Variants in OXCT1 observed in about 807,000 individuals in gnomAD.
The protein encoded by OXCT1 is succinyl-CoA:3-ketoacid coenzyme A transferase 1, mitochondrial.
OXCT1 carries 27 observed loss-of-function variants against 69.6 expected under a neutral mutation model. The ratio of observed to expected loss-of-function variants is 0.39; its 90% confidence interval spans 0.29 to 0.54. OXCT1 has a LOEUF of 0.54. Ranked by LOEUF, OXCT1 falls within the 20% of genes least tolerant of loss-of-function variation. The pLI, the probability that OXCT1 is intolerant of heterozygous loss-of-function variation, is 0.72. For synonymous variants in OXCT1, 202 were observed against 217.8 expected, an observed-to-expected ratio of 0.93 and a Z score of 0.64; for missense variants, 437 against 650.2, an observed-to-expected ratio of 0.67 and a Z score of 3.57.
chr5:41,745,058 A>G (rs1237524665), intron 15 of OXCT1, among the ~76,000 whole-genome samples: 1 of 152,092 alleles, frequency 6.6e-6, no homozygotes, highest in Non-Finnish European at 1.5e-5. Flanking sequence ...GACCTAATAG[A>G]TACTACAGAA....
At chr5:41,754,515 T>C (rs541200212) in intron 14 of OXCT1, among the ~76,000 whole-genome samples, 4 of 152,056 alleles carry the variant, frequency 2.6e-5, no homozygotes, top group African/African-American at 9.7e-5. Flanking sequence ...AAACATCTCA[T>C]GTACCCCATA....
Position 41,762,158 on chromosome 5 carries a change from A to C in OXCT1, c.1291T>G (p.Ser431Ala). 2 of 1,613,406 alleles carry C rather than the reference A, an allele frequency of 1.2e-6. No individual in the cohort carries two copies. The highest frequency in any genetic ancestry group is 1.7e-6 in the Non-Finnish European group (2 of 1,179,488). The stretch of plus-strand genomic sequence containing the variant: ...ACCACCACTTTGGTTTTCGCACTGG[A>C]CACTAAATCCATAGCACCTCCCATT... ...KGMGGAMDLV[S>A]SAKTKVVVTM... The change falls in exon 14 of 17, where the codon TCC becomes GCC. Residue 431 changes from serine (S) to alanine (A), a missense_variant. Transcript: ENST00000196371. The surrounding 1 kb of genome is among the most constrained non-coding windows in gnomAD (Gnocchi z 4.0).
chr5:41,784,255 A>C (rs975518327), intron 13 of OXCT1, among the ~76,000 whole-genome samples: 1 of 152,222 alleles, frequency 6.6e-6, no homozygotes, highest in Non-Finnish European at 1.5e-5. Context: ...AAAATGGGTA[A>C]ATAAAATGGA....
chr5:41,840,582 G>GT, intron 6 of OXCT1, 71 bp from the exon 7 acceptor site: 1 of 880,424 alleles, frequency 1.1e-6, no homozygotes, highest in Middle Eastern at 2.2e-4. Flanking sequence ...CACCTTTAAG[G>GT]TTTTATAGAT....
intron 7 of OXCT1, among the ~76,000 whole-genome samples, chr5:41,812,181 G>A (rs1053631532): frequency 1.3e-5 from 2 of 151,890 alleles, no homozygotes; most frequent in Non-Finnish European, 2.9e-5. Flanking sequence ...CAGAAATTTT[G>A]AGGAAAAAAA....
chr5:41,794,879 G>A, intron 11 of OXCT1, 130 bp from the exon 12 acceptor site: 1 of 890,448 alleles, frequency 1.1e-6, no homozygotes, highest in Non-Finnish European at 1.8e-6. Flanking sequence ...CAGTGACATA[G>A]CAGGTGGGGG....
chr5:41,760,800 C>A (rs1744309593), intron 14 of OXCT1, among the ~76,000 whole-genome samples: 1 of 152,098 alleles, frequency 6.6e-6, no homozygotes, highest in South Asian at 2.1e-4. Flanking sequence ...TTCTATTATT[C>A]CATATTTATG....
intron 7 of OXCT1, among the ~76,000 whole-genome samples, chr5:41,838,474 G>T (rs72746967): frequency 0.027 from 4,091 of 152,234 alleles, 90 homozygotes; most frequent in Non-Finnish European, 0.039. Flanking sequence ...TAGTATAACA[G>T]ATTATTCTTG....
chr5:41,776,589 T>C (rs1745133177), intron 13 of OXCT1, among the ~76,000 whole-genome samples: 1 of 152,204 alleles, frequency 6.6e-6, no homozygotes, highest in Admixed American at 6.5e-5. Flanking sequence ...AACAAGTGAA[T>C]TTGAGAAAGT....
At chr5:41,794,153 G>T in intron 12 of OXCT1, 75 bp from the exon 13 acceptor site, 1 of 1,053,050 alleles carries the variant, frequency 9.5e-7, no homozygotes, top group Non-Finnish European at 1.5e-6. Context: ...CCAGCAATTA[G>T]AATAACTTCA....
chr5:41,803,666 A>G (rs1489812552), intron 9 of OXCT1, among the ~76,000 whole-genome samples: 1 of 152,114 alleles, frequency 6.6e-6, no homozygotes, highest in Non-Finnish European at 1.5e-5. Flanking sequence ...TTGGGTCTCT[A>G]TAGTAACATT....
intron 3 of OXCT1, among the ~76,000 whole-genome samples, chr5:41,857,074 A>T (rs1359669170): frequency 2.0e-5 from 3 of 152,098 alleles, no homozygotes; most frequent in Non-Finnish European, 2.9e-5. Context: ...CACAAACTCC[A>T]CATTGAATCT....
At chr5:41,847,255 C>T (rs1196196328) in intron 5 of OXCT1, among the ~76,000 whole-genome samples, 6 of 151,858 alleles carry the variant, frequency 4.0e-5, no homozygotes, top group Non-Finnish European at 8.8e-5. Flanking sequence ...CTGAATAGAC[C>T]AATAACAGGA....
At chr5:41,826,367 T>A (rs1352308481) in intron 7 of OXCT1, among the ~76,000 whole-genome samples, 3 of 152,166 alleles carry the variant, frequency 2.0e-5, no homozygotes, top group Non-Finnish European at 1.5e-5. Context: ...CAGCTGCCAT[T>A]TACAATGTAG....
intron 16 of OXCT1, among the ~76,000 whole-genome samples, chr5:41,736,341 C>T (rs1417765423): frequency 1.3e-5 from 2 of 152,338 alleles, no homozygotes; most frequent in Admixed American, 1.3e-4. Flanking sequence ...AGATACTGCC[C>T]TCCGATGGAA....
At chr5:41,759,167 A>C (rs1204907622) in intron 14 of OXCT1, among the ~76,000 whole-genome samples, 1 of 151,246 alleles carries the variant, frequency 6.6e-6, no homozygotes, top group Non-Finnish European at 1.5e-5. Flanking sequence ...TAGCTTTGTG[A>C]GGATGTGGCA....
chr5:41,808,564 C>A (rs895140891), intron 7 of OXCT1, among the ~76,000 whole-genome samples: 5 of 152,050 alleles, frequency 3.3e-5, no homozygotes, highest in Admixed American at 3.3e-4. Flanking sequence ...AAGCTATCTT[C>A]TTTGATAAAC....
intron 11 of OXCT1, among the ~76,000 whole-genome samples, chr5:41,800,030 T>C (rs1746354186): frequency 6.6e-6 from 1 of 152,198 alleles, no homozygotes; most frequent in Admixed American, 6.5e-5. Flanking sequence ...TAGCTTCTTA[T>C]GGGCAGCTGC....
chr5:41,846,642 T>C (rs931708833), intron 5 of OXCT1, among the ~76,000 whole-genome samples: 1 of 152,210 alleles, frequency 6.6e-6, no homozygotes, highest in Non-Finnish European at 1.5e-5. Context: ...TTTGGGTAGA[T>C]ACCCAGTAAT....
Sources: allele counts gnomAD v4.1 joint callset (sites outside exome capture counted in the v4.1 genomes callset), GRCh38; gene constraint gnomAD v4.1.1; non-coding constraint Gnocchi (gnomAD v3.1); transcripts MANE v1.5; gene names NCBI Gene and HGNC (gene_info 2026-07-23, HGNC 2026-07-21).